Variants in PRKACB observed in about 807,000 individuals in gnomAD.
PRKACB encodes protein kinase cAMP-activated catalytic subunit beta.
A neutral mutation model predicts 51.4 loss-of-function variants in PRKACB; 16 were observed. The observed-to-expected ratio is 0.31, with a 90% CI of 0.21 to 0.47. PRKACB has a LOEUF of 0.47. Ranked by LOEUF, PRKACB falls within the 20% of genes least tolerant of loss-of-function variation. The probability of loss-of-function intolerance (pLI) is 1.00; values close to 1 mark genes in which losing one functional copy is unlikely to be tolerated. For missense variants in PRKACB, 309 were observed against 464.5 expected, an observed-to-expected ratio of 0.67 and a Z score of 3.08; for synonymous variants, 147 against 154.4, an observed-to-expected ratio of 0.95 and a Z score of 0.35.
chr1:84,111,300 T>G (rs960706628), intron 1 of PRKACB, among the ~76,000 whole-genome samples: 1 of 152,122 alleles, frequency 6.6e-6, no homozygotes, highest in African/African-American at 2.4e-5. Flanking sequence ...AAAATTTTTG[T>G]ATACAGAAGC....
At chr1:84,208,484 A>G (rs146214429) in intron 8 of PRKACB, among the ~76,000 whole-genome samples, 28 of 152,320 alleles carry the variant, frequency 1.8e-4, no homozygotes, top group Non-Finnish European at 3.1e-4. Flanking sequence ...CAAACTTAGG[A>G]CCTTAAGAAA....
intron 1 of PRKACB, among the ~76,000 whole-genome samples, chr1:84,116,759 CA>C (rs1431513464): frequency 4.6e-5 from 7 of 152,092 alleles, no homozygotes; most frequent in Admixed American, 4.6e-4. Flanking sequence ...ATATCATCAG[CA>C]AAGAGGGACA....
chr1:84,136,513 C>T (rs1418217447), intron 1 of PRKACB, among the ~76,000 whole-genome samples: 3 of 152,008 alleles, frequency 2.0e-5, no homozygotes, highest in African/African-American at 7.3e-5. Flanking sequence ...CACACACACA[C>T]ACACACTCAC....
At chr1:84,087,271 T>A (rs1648090016) in intron 1 of PRKACB, among the ~76,000 whole-genome samples, 1 of 152,242 alleles carries the variant, frequency 6.6e-6, no homozygotes, top group Non-Finnish European at 1.5e-5. Context: ...TAAAGTTACA[T>A]GATTAAAGTG....
intron 1 of PRKACB, among the ~76,000 whole-genome samples, chr1:84,112,231 T>TTC (rs1222207451): frequency 2.7e-5 from 4 of 148,824 alleles, no homozygotes; most frequent in Non-Finnish European, 5.9e-5. Flanking sequence ...GCTTCTTTTT[T>TTC]TTTTTTTTTT....
In PRKACB at chr1:84,189,951, CCTAA is replaced by C. The variant is rs892038651; in HGVS notation, c.560+4773_560+4776del. On this transcript the variant is annotated intron_variant, in intron 5 of 9. Transcript: ENST00000370685. The stretch of plus-strand genomic sequence containing the variant: ...ACAATTTTCCTTTCCAATTTCTTTC[CCTAA>C]CTATTTACACATAAAACTTTTTTCA... Among the ~76,000 whole-genome samples, 30 of 151,840 alleles carry C rather than the reference CCTAA, an allele frequency of 2.0e-4. 1 individual carries two copies. The highest frequency in any genetic ancestry group is 4.2e-4 in the South Asian group (2 of 4,804).
chr1:84,188,082 A>T (rs886514659), intron 5 of PRKACB, among the ~76,000 whole-genome samples: 2 of 152,114 alleles, frequency 1.3e-5, no homozygotes, highest in African/African-American at 2.4e-5. Context: ...TAATTTTTGA[A>T]TTAAGGAGAA....
At chr1:84,097,239 CATTT>C (rs1648988787) in intron 1 of PRKACB, among the ~76,000 whole-genome samples, 1 of 151,964 alleles carries the variant, frequency 6.6e-6, no homozygotes, top group Admixed American at 6.6e-5. Flanking sequence ...CACCTATACT[CATTT>C]CTGTTAGGTA....
chr1:84,201,306 G>A (rs1405514131), intron 7 of PRKACB, among the ~76,000 whole-genome samples: 1 of 151,752 alleles, frequency 6.6e-6, no homozygotes. Context: ...TTTTTCAAAT[G>A]GTTAATAGCC....
chr1:84,180,046 CAA>C (rs761445098), intron 2 of PRKACB, among the ~76,000 whole-genome samples: 9 of 51,008 alleles, frequency 1.8e-4, no homozygotes, highest in Admixed American at 4.4e-4. Context: ...ACATAAAGAC[CAA>C]AAAAAAAAAA....
At chr1:84,138,689 A>G (rs1571758017) in intron 1 of PRKACB, among the ~76,000 whole-genome samples, 1 of 152,206 alleles carries the variant, frequency 6.6e-6, no homozygotes, top group Non-Finnish European at 1.5e-5. Context: ...TGTGAAGCCA[A>G]TCTTAACCTG....
chr1:84,206,326 G>A (rs894454832), intron 8 of PRKACB, among the ~76,000 whole-genome samples: 2 of 152,088 alleles, frequency 1.3e-5, no homozygotes, highest in Non-Finnish European at 2.9e-5. Context: ...TTTACATGAA[G>A]GGTAATTGAT....
chr1:84,204,853 ATTTT>A, intron 8 of PRKACB: 1 of 984,564 alleles, frequency 1.0e-6, no homozygotes, highest in Non-Finnish European at 1.2e-6. Flanking sequence ...ATGTGTCTTC[ATTTT>A]TATGCATTGG....
chr1:84,220,401 A>G (rs1673523358), intron 9 of PRKACB, among the ~76,000 whole-genome samples: 1 of 152,068 alleles, frequency 6.6e-6, no homozygotes. Flanking sequence ...GGGGCATTGT[A>G]TTTAGATGCC....
intron 1 of PRKACB, among the ~76,000 whole-genome samples, chr1:84,166,527 C>A (rs1306490652): frequency 2.0e-5 from 3 of 151,678 alleles, no homozygotes; most frequent in African/African-American, 4.8e-5. Context: ...GCTTTCCCTT[C>A]TAGCCATTTT....
rs1223707258 is a variant in PRKACB, at chr1:84,235,316, G to A, written c.*11G>A. 16 of 1,613,760 alleles carry A rather than the reference G, an allele frequency of 9.9e-6. No homozygotes were observed. The highest frequency in any genetic ancestry group is 2.2e-5 in the South Asian group (2 of 91,056). ...TTTGGTGAATTTTAAAGAGGAACAA[G>A]ATGACATCTGAGCTCACACTCAGTG... On this transcript the variant is annotated 3_prime_UTR_variant, in exon 10 of 10. Coordinates refer to ENST00000370685, the MANE Select transcript of PRKACB (RefSeq NM_182948.4).
chr1:84,168,250 C>G (rs935042910), intron 1 of PRKACB, among the ~76,000 whole-genome samples: 1 of 151,580 alleles, frequency 6.6e-6, no homozygotes, highest in Admixed American at 6.6e-5. Context: ...CAGTTTTTCT[C>G]TCTGAGATCA....
intron 1 of PRKACB, among the ~76,000 whole-genome samples, chr1:84,111,469 A>G (rs1650223795): frequency 6.6e-6 from 1 of 152,100 alleles, no homozygotes; most frequent in South Asian, 2.1e-4. Context: ...CTATAGTAAT[A>G]CCTTATATTA....
At chr1:84,149,598 A>G (rs1249720109) in intron 1 of PRKACB, among the ~76,000 whole-genome samples, 1 of 152,148 alleles carries the variant, frequency 6.6e-6, no homozygotes. Context: ...CATAATGTTT[A>G]GTTAACATTT....
Sources: gnomAD v4.1 joint callset for allele counts (sites outside exome capture counted in the v4.1 genomes callset) on GRCh38, gnomAD v4.1.1 for gene constraint, MANE v1.5 for transcripts, NCBI Gene and HGNC (gene_info 2026-07-23, HGNC 2026-07-21) for gene names.